SHISAL1: variants seen among roughly 807,000 people sequenced by gnomAD.
SHISAL1 encodes protein shisa-like-1.
Under a neutral mutation model 22.6 loss-of-function variants are expected in SHISAL1, and 9 were observed. The ratio of observed to expected loss-of-function variants is 0.40; its 90% CI spans 0.24 to 0.70. SHISAL1 has a LOEUF of 0.70. SHISAL1 is among the 30% of genes least tolerant of loss of function. The pLI, the probability that SHISAL1 is intolerant of heterozygous loss-of-function variation, is 0.39. For missense variants in SHISAL1, 246 were observed against 270.6 expected, an observed-to-expected ratio of 0.91 and a Z score of 0.64; for synonymous variants, 119 against 115.4, an observed-to-expected ratio of 1.03 and a Z score of -0.20.
the SHISAL1 span, among the ~76,000 whole-genome samples, chr22:44,321,300 G>A: frequency 1.3e-5 from 2 of 152,174 alleles, no homozygotes; most frequent in Non-Finnish European, 2.9e-5. Context: ...AAGTGCCACG[G>A]AACAGCCATA....
chr22:44,270,746 C>T (rs1258442409), intron 4 of SHISAL1, among the ~76,000 whole-genome samples: 1 of 152,190 alleles, frequency 6.6e-6, no homozygotes, highest in Non-Finnish European at 1.5e-5. Context: ...TGCACCCCTG[C>T]AGCTGTGCTT....
chr22:44,313,873 G>A (rs1278487951), upstream of SHISAL1, among the ~76,000 whole-genome samples: 5 of 152,114 alleles, frequency 3.3e-5, no homozygotes, highest in Admixed American at 1.3e-4. Context: ...CATTCCTTTC[G>A]GTGGACAGAG....
At chr22:44,327,239 C>T in the SHISAL1 span, among the ~76,000 whole-genome samples, 10,519 of 75,346 alleles carry the variant, frequency 0.14, 508 homozygotes, top group African/African-American at 0.29. Context: ...GTGGGGGGCG[C>T]GCACACACAC....
intron 4 of SHISAL1, among the ~76,000 whole-genome samples, chr22:44,282,695 T>C (rs2055284955): frequency 6.6e-6 from 1 of 152,026 alleles, no homozygotes; most frequent in South Asian, 2.1e-4. Context: ...GAAGAGAGAT[T>C]TTGAAGAGCA....
rs1053033958 is a variant in SHISAL1, at chr22:44,246,906, AG to A, written c.*2778del. 4.4e-5 allele frequency: 4 copies of A among 91,210 alleles called. No individual in the cohort carries two copies. The highest frequency in any genetic ancestry group is 1.7e-4 in the African/African-American group (4 of 23,814). The allele number at this position is 91,210 out of a possible 1,614,324, so 5.7% of individuals were successfully genotyped here. On this transcript the variant is annotated 3_prime_UTR_variant, in exon 5 of 5. Transcript: ENST00000381176. ...TCTGCTGAGGCCTCCTGCTTGCCAC[AG>A]AATGTTCCAGTCCTCAGCCCAGCTG...
At chr22:44,307,687 T>G (rs1304355254) in intron 1 of SHISAL1, among the ~76,000 whole-genome samples, 1 of 152,108 alleles carries the variant, frequency 6.6e-6, no homozygotes, top group Non-Finnish European at 1.5e-5. Flanking sequence ...ACCCCTCCGG[T>G]CAGCCTGGGA....
At chr22:44,305,803 C>A (rs1437734623) in intron 1 of SHISAL1, among the ~76,000 whole-genome samples, 1 of 152,154 alleles carries the variant, frequency 6.6e-6, no homozygotes, top group Non-Finnish European at 1.5e-5. Context: ...GGTCACCGTG[C>A]GATCAAAGCC....
At chr22:44,297,510 G>T (rs1453047843) in intron 2 of SHISAL1, among the ~76,000 whole-genome samples, 2 of 152,198 alleles carry the variant, frequency 1.3e-5, no homozygotes, top group African/African-American at 2.4e-5. Context: ...TCGTTCCTTG[G>T]TTTCTACTAA....
At chr22:44,312,423 G>A (rs1464549035) in intron 1 of SHISAL1, among the ~76,000 whole-genome samples, 2 of 152,126 alleles carry the variant, frequency 1.3e-5, no homozygotes, top group African/African-American at 4.8e-5. Context: ...CTCTATGCAA[G>A]GCTCTTGACA....
At chr22:44,255,242 T>C (rs2055076639) in intron 4 of SHISAL1, among the ~76,000 whole-genome samples, 1 of 152,188 alleles carries the variant, frequency 6.6e-6, no homozygotes, top group Non-Finnish European at 1.5e-5. Flanking sequence ...GCTGGAGATA[T>C]GTTGATGACT....
intron 4 of SHISAL1, among the ~76,000 whole-genome samples, chr22:44,266,859 G>A (rs55793284): frequency 0.011 from 1,684 of 152,172 alleles, 28 homozygotes; most frequent in Non-Finnish European, 0.013. Context: ...AGGGCGATGA[G>A]AATTATTTTG....
rs1555924173 is a variant in SHISAL1, at chr22:44,246,854, C to CACCTGCCTGTGCCGCAGTCTGTCTGT, written c.*2830_*2831insACAGACAGACTGCGGCACAGGCAGGT. 1 of 151,284 alleles carries CACCTGCCTGTGCCGCAGTCTGTCTGT rather than the reference C, an allele frequency of 6.6e-6. No individual in the cohort carries two copies. The highest frequency in any genetic ancestry group is 1.5e-5 in the Non-Finnish European group (1 of 67,820). The allele number at this position is 151,284 out of a possible 1,614,324, so 9.4% of individuals were successfully genotyped here. On this transcript the variant is annotated 3_prime_UTR_variant, in exon 5 of 5. Coordinates refer to ENST00000381176, the MANE Select transcript of SHISAL1 (RefSeq NM_001099294.2). ...GGAAGGAGGATGCCGTGGCTGTCTG[C>CACCTGCCTGTGCCGCAGTCTGTCTGT]ACCAGGTGTGCTGGGTCTTGGTGAT...
intron 4 of SHISAL1, among the ~76,000 whole-genome samples, chr22:44,256,917 G>T (rs992730544): frequency 6.6e-6 from 1 of 152,192 alleles, no homozygotes; most frequent in Non-Finnish European, 1.5e-5. Flanking sequence ...CAATTGCCAA[G>T]AAGAGAAAGA....
intron 4 of SHISAL1, among the ~76,000 whole-genome samples, chr22:44,254,221 C>G (rs1171440409): frequency 6.6e-6 from 1 of 151,768 alleles, no homozygotes; most frequent in East Asian, 1.9e-4. Flanking sequence ...ATGAATTGCC[C>G]AACTCAAAAA....
At chr22:44,284,786 C>T (rs933835669) in intron 4 of SHISAL1, among the ~76,000 whole-genome samples, 13 of 152,194 alleles carry the variant, frequency 8.5e-5, no homozygotes, top group African/African-American at 2.9e-4. Context: ...CCCCACCATA[C>T]TGGAACTGGG....
intron 3 of SHISAL1, among the ~76,000 whole-genome samples, chr22:44,291,289 C>T (rs1052262503): frequency 5.3e-5 from 8 of 152,316 alleles, no homozygotes; most frequent in Middle Eastern, 3.4e-3. Context: ...AGGAAGCCTT[C>T]GCTTCTCAAG....
rs116578472 is a variant in SHISAL1, at chr22:44,301,019, C to T, written c.-32-42G>A. The T allele has an allele frequency of 2.9e-4, 408 of 1,400,906 alleles. 2 individuals carry two copies. In the African/African-American group the frequency reaches 5.0e-3, roughly 17 times the overall value. The allele number at this position is 1,400,906 out of a possible 1,614,324, so 86.8% of individuals were successfully genotyped here. On this transcript the variant is annotated intron_variant, in intron 1 of 4. Coordinates refer to ENST00000381176, the MANE Select transcript of SHISAL1 (RefSeq NM_001099294.2). ...ACGAGAGGCTGGGTGTGGGCTGTCT[C>T]GCCTGACACTGGCTTTCCTGCCCAC...
At chr22:44,274,240 A>C (rs1461434173) in intron 4 of SHISAL1, among the ~76,000 whole-genome samples, 1 of 151,990 alleles carries the variant, frequency 6.6e-6, no homozygotes, top group Non-Finnish European at 1.5e-5. Context: ...ACAGAATGAG[A>C]CTCCATCTCA....
rs1322719839 is a variant in SHISAL1 at position 44,310,586 on chromosome 22, G to T, written c.-33+2165C>A. On this transcript the variant is annotated intron_variant, in intron 1 of 4. Transcript: ENST00000381176. The surrounding 1 kb of genome is among the most constrained non-coding windows in gnomAD (Gnocchi z 4.0). ...GGTATACCAAACATAGAAAGGACCAGAAGCTAGCAGGGCACCCAGAACATT... is the reference window on the plus strand; with the variant it reads ...GGTATACCAAACATAGAAAGGACCATAAGCTAGCAGGGCACCCAGAACATT... 6.6e-6 allele frequency among the ~76,000 whole-genome samples: 1 copy of T among 152,188 alleles called. No homozygotes were observed. Among genetic ancestry groups the T allele is most frequent in the Non-Finnish European group, 1.5e-5 (1 of 68,038 alleles).
Sources: gnomAD v4.1 joint callset for allele counts (sites outside exome capture counted in the v4.1 genomes callset) on GRCh38, gnomAD v4.1.1 for gene constraint, Gnocchi (gnomAD v3.1) non-coding constraint, MANE v1.5 for transcripts, NCBI Gene and HGNC (gene_info 2026-07-23, HGNC 2026-07-21) for gene names.